The following MGAT4C variants were observed in gnomAD, a reference collection of about 807,000 sequenced individuals.
MGAT4C encodes MGAT4 family member C.
A neutral mutation model predicts 40.1 loss-of-function variants in MGAT4C; 19 were observed. That is an observed-to-expected ratio of 0.47 (90% CI 0.33 to 0.70). The LOEUF is 0.70. Ranked by LOEUF, MGAT4C falls within the 30% of genes least tolerant of loss-of-function variation. MGAT4C has a pLI of 0.02. For synonymous variants in MGAT4C, 181 were observed against 187.1 expected, an observed-to-expected ratio of 0.97 and a Z score of 0.27; for missense variants, 491 against 563.2, an observed-to-expected ratio of 0.87 and a Z score of 1.30.
intron 1 of MGAT4C, among the ~76,000 whole-genome samples, chr12:86,133,329 A>C (rs1881507053): frequency 6.6e-6 from 1 of 152,200 alleles, no homozygotes; most frequent in Non-Finnish European, 1.5e-5. Context: ...CATCAAAAGC[A>C]CTTCACTTCT....
intron 3 of MGAT4C, among the ~76,000 whole-genome samples, chr12:86,379,575 G>A (rs1000260584): frequency 5.3e-5 from 8 of 151,896 alleles, no homozygotes; most frequent in African/African-American, 2.4e-5. Flanking sequence ...TGCTTAGAAC[G>A]GTACATGGCA....
chr12:86,815,586 G>A (rs1033920421), intron 1 of MGAT4C, among the ~76,000 whole-genome samples: 3 of 150,874 alleles, frequency 2.0e-5, no homozygotes, highest in Non-Finnish European at 3.0e-5. Context: ...TAGCAAAATC[G>A]TGGAACCAAC....
chr12:86,759,768 T>C (rs914612903), intron 1 of MGAT4C, among the ~76,000 whole-genome samples: 12 of 152,248 alleles, frequency 7.9e-5, no homozygotes, highest in Admixed American at 7.9e-4. Context: ...TTTGACTTCC[T>C]TATATATTGA....
chr12:86,291,932 A>G (rs1195003870), intron 4 of MGAT4C, among the ~76,000 whole-genome samples: 1 of 152,220 alleles, frequency 6.6e-6, no homozygotes, highest in East Asian at 1.9e-4. Context: ...TTATCAAAGC[A>G]TATCTACCTC....
intron 2 of MGAT4C, among the ~76,000 whole-genome samples, chr12:86,504,722 T>A (rs1019019051): frequency 2.1e-4 from 32 of 152,122 alleles, no homozygotes; most frequent in African/African-American, 7.5e-4. Flanking sequence ...CATCTCACAC[T>A]GTCGCCTAGG....
chr12:86,512,356 C>T (rs1191823574), intron 2 of MGAT4C, among the ~76,000 whole-genome samples: 1 of 152,006 alleles, frequency 6.6e-6, no homozygotes, highest in African/African-American at 2.4e-5. Flanking sequence ...ATGGCGGTGC[C>T]TTAAACATTT....
chr12:86,171,623 A>G (rs1886858661), intron 1 of MGAT4C, among the ~76,000 whole-genome samples: 1 of 152,206 alleles, frequency 6.6e-6, no homozygotes, highest in Non-Finnish European at 1.5e-5. Flanking sequence ...TTGATATTGC[A>G]GCGGGGTTTA....
At chr12:86,705,416 G>A (rs1364960374) in intron 2 of MGAT4C, among the ~76,000 whole-genome samples, 1 of 151,996 alleles carries the variant, frequency 6.6e-6, no homozygotes, top group Non-Finnish European at 1.5e-5. Context: ...TGCCAAACCT[G>A]AAGGGAAAGT....
In MGAT4C at chr12:85,967,266, GAT is replaced by G. The variant is rs934294665; in HGVS notation, c.*12021_*12022del. On this transcript the variant is annotated 3_prime_UTR_variant, in exon 5 of 5. Transcript: ENST00000611864. ...TCACTATAAATTGCTTTAATTAAGT[GAT>G]GTTTGCCTAAGAACAAGTTTCATTT... 2.6e-5 allele frequency: 4 copies of G among 152,026 alleles called. No individual in the cohort carries two copies. Among genetic ancestry groups the G allele is most frequent in the African/African-American group, 7.2e-5 (3 of 41,398 alleles). The allele number at this position is 152,026 out of a possible 1,614,324, so 9.4% of individuals were successfully genotyped here.
At chr12:86,167,576 T>C (rs2135818903) in intron 1 of MGAT4C, among the ~76,000 whole-genome samples, 1 of 152,308 alleles carries the variant, frequency 6.6e-6, no homozygotes. Flanking sequence ...AGAGGCTGCA[T>C]CTGGTGAGGA....
chr12:86,446,195 A>G (rs1044794295), intron 2 of MGAT4C, among the ~76,000 whole-genome samples: 2 of 152,088 alleles, frequency 1.3e-5, no homozygotes, highest in Admixed American at 1.3e-4. Context: ...AACTTGAAAT[A>G]TTTTGTGAAC....
intron 3 of MGAT4C, among the ~76,000 whole-genome samples, chr12:86,419,792 G>T (rs1306577203): frequency 6.6e-6 from 1 of 152,126 alleles, no homozygotes; most frequent in Non-Finnish European, 1.5e-5. Context: ...TGAAGGGTGT[G>T]TTTCATGGTA....
intron 1 of MGAT4C, among the ~76,000 whole-genome samples, chr12:86,732,158 A>T (rs1950921131): frequency 6.6e-6 from 1 of 152,218 alleles, no homozygotes; most frequent in Non-Finnish European, 1.5e-5. Context: ...GGAAACCAGT[A>T]TCAGCATTCT....
chr12:86,124,393 T>C (rs114863492), intron 1 of MGAT4C, among the ~76,000 whole-genome samples: 485 of 152,276 alleles, frequency 3.2e-3, no homozygotes, highest in African/African-American at 0.011. Context: ...TGGAAAGATA[T>C]AACAATACTG....
intron 2 of MGAT4C, among the ~76,000 whole-genome samples, chr12:86,554,134 ACAC>A (rs1959498053): frequency 8.7e-4 from 1 of 1,156 alleles, no homozygotes; most frequent in South Asian, 0.083. Flanking sequence ...ACACATACAT[ACAC>A]ACACACACAC....
At chr12:86,157,864 A>C (rs980445960) in intron 1 of MGAT4C, among the ~76,000 whole-genome samples, 2 of 152,120 alleles carry the variant, frequency 1.3e-5, no homozygotes, top group African/African-American at 2.4e-5. Context: ...TCCTCCTCCG[A>C]CATGTGGGGA....
chr12:86,444,376 C>T (rs1022244012), intron 2 of MGAT4C, among the ~76,000 whole-genome samples: 1 of 152,076 alleles, frequency 6.6e-6, no homozygotes, highest in Non-Finnish European at 1.5e-5. Context: ...TTTTTCTTCT[C>T]AATCTATACT....
intron 1 of MGAT4C, among the ~76,000 whole-genome samples, chr12:86,836,204 G>T (rs1349716615): frequency 6.6e-6 from 1 of 151,964 alleles, no homozygotes; most frequent in Non-Finnish European, 1.5e-5. Flanking sequence ...AGTTAAAGGA[G>T]AATTTGAAAA....
chr12:86,340,597 A>T (rs1049992527), intron 3 of MGAT4C, among the ~76,000 whole-genome samples: 20 of 152,156 alleles, frequency 1.3e-4, no homozygotes, highest in Non-Finnish European at 7.3e-5. Context: ...CACTTTTCAG[A>T]TAAAAGCTTT....
Sources: allele counts gnomAD v4.1 joint callset (sites outside exome capture counted in the v4.1 genomes callset), GRCh38; gene constraint gnomAD v4.1.1; transcripts MANE v1.5; gene names NCBI Gene and HGNC (gene_info 2026-07-23, HGNC 2026-07-21).